The following CXADR variants were observed in gnomAD, a reference collection of about 807,000 sequenced individuals.
CXADR encodes CXADR cell adhesion molecule, also known as coxsackievirus and adenovirus receptor.
CXADR carries 20 observed loss-of-function variants against 40.3 expected under a neutral mutation model. The ratio of observed to expected loss-of-function variants is 0.50; its 90% CI spans 0.35 to 0.72. The LOEUF (loss-of-function observed/expected upper bound fraction) is 0.72. CXADR is among the 30% of genes least tolerant of loss of function. The pLI is 0.01. For missense variants in CXADR, 332 were observed against 449.1 expected (o/e 0.74, Z 2.36); for synonymous variants, 150 against 161.3 (o/e 0.93, Z 0.53).
chr21:17,533,399 C>T (rs935794070), intron 1 of CXADR, among the ~76,000 whole-genome samples: 1 of 152,148 alleles, frequency 6.6e-6, no homozygotes, highest in Admixed American at 6.5e-5. Flanking sequence ...TCTAATAATG[C>T]ACCCATTGTA....
chr21:17,564,516 TAAAAC>T (rs1420299643), intron 6 of CXADR, among the ~76,000 whole-genome samples: 3 of 151,992 alleles, frequency 2.0e-5, no homozygotes, highest in African/African-American at 7.2e-5. Context: ...TTAAAAATAT[TAAAAC>T]AAAATTTTCT....
rs975165528 is a variant in CXADR at position 17,568,464 on chromosome 21, A to G, written c.*2772A>G. The G allele has an allele frequency of 2.6e-5, 26 of 981,658 alleles. No homozygotes were observed. Among genetic ancestry groups the G allele is most frequent in the South Asian group, 4.7e-5 (1 of 21,120 alleles). The allele number at this position is 981,658 out of a possible 1,614,324, so 60.8% of individuals were successfully genotyped here. A position where few individuals can be genotyped will look rare whatever the true frequency, so the allele number is the denominator to read the frequency against. On this transcript the variant is annotated 3_prime_UTR_variant, in exon 7 of 7. Transcript: ENST00000284878. ...CTTAACAGCAAAGCCATTTTATTCTACTTTATAACTGAGAGACTTGATACC... is the reference window on the plus strand; with the variant it reads ...CTTAACAGCAAAGCCATTTTATTCTGCTTTATAACTGAGAGACTTGATACC...
chr21:17,606,269 A>T, the CXADR span, among the ~76,000 whole-genome samples: 6 of 152,186 alleles, frequency 3.9e-5, no homozygotes, highest in African/African-American at 1.4e-4. Flanking sequence ...AACATTACAC[A>T]GCTACTAAGT....
At chr21:17,593,214 T>C in exon 8 of CXADR, 3 of 1,424,200 alleles carry the variant, frequency 2.1e-6, no homozygotes, top group Admixed American at 2.7e-5. Flanking sequence ...CTGAAGAATC[T>C]GAAGTATTGT....
Position 17,566,038 on chromosome 21 carries a change from A to T in CXADR, c.*346A>T. ...GAACTTACTTGCATACCAAGTTGAT[A>T]CTTGAATAACCATCTGAAAGTGGTA... On this transcript the variant is annotated 3_prime_UTR_variant, in exon 7 of 7. Transcript: ENST00000284878. 1.0e-6 allele frequency: 1 copy of T among 1,000,424 alleles called. No homozygotes were observed. Among genetic ancestry groups the T allele is most frequent in the Non-Finnish European group, 1.2e-6 (1 of 840,080 alleles). 62.0% of individuals were successfully genotyped at this position (1,000,424 alleles called of 1,614,324 possible).
At chr21:17,599,334 C>A in the CXADR span, among the ~76,000 whole-genome samples, 2 of 152,074 alleles carry the variant, frequency 1.3e-5, no homozygotes, top group African/African-American at 4.8e-5. Flanking sequence ...GAGTGTACCA[C>A]CATGCTCAGC....
At chr21:17,530,114 A>ATTTTT (rs56341807) in intron 1 of CXADR, among the ~76,000 whole-genome samples, 29,290 of 94,004 alleles carry the variant, frequency 0.31, 5,302 homozygotes, top group East Asian at 0.41. Flanking sequence ...ATGCCAGGCT[A>ATTTTT]TTTTTTTTTT....
At chr21:17,522,824 T>A (rs899495457) in intron 1 of CXADR, among the ~76,000 whole-genome samples, 1 of 152,190 alleles carries the variant, frequency 6.6e-6, no homozygotes, top group Non-Finnish European at 1.5e-5. Flanking sequence ...GTCTCCCTTC[T>A]CCAACTTTAC....
the CXADR span, among the ~76,000 whole-genome samples, chr21:17,610,560 T>C: frequency 3.9e-5 from 6 of 152,192 alleles, no homozygotes; most frequent in African/African-American, 7.2e-5. Flanking sequence ...TTAAAAATGG[T>C]ATATCTGATT....
At chr21:17,578,361 A>G (rs1404395145) in intron 7 of CXADR, among the ~76,000 whole-genome samples, 1 of 152,234 alleles carries the variant, frequency 6.6e-6, no homozygotes, top group Admixed American at 6.5e-5. Flanking sequence ...GGCCTTTCTA[A>G]GTGAAAGGTG....
chr21:17,517,077 T>C (rs2060471271), intron 1 of CXADR, among the ~76,000 whole-genome samples: 1 of 152,184 alleles, frequency 6.6e-6, no homozygotes, highest in Non-Finnish European at 1.5e-5. Context: ...ATCTCAGATA[T>C]CAAATAAAGG....
the CXADR span, among the ~76,000 whole-genome samples, chr21:17,607,357 A>G: frequency 6.6e-6 from 1 of 152,188 alleles, no homozygotes. Flanking sequence ...AACTTAACGA[A>G]AGCTGTTCAC....
intron 1 of CXADR, among the ~76,000 whole-genome samples, chr21:17,515,276 C>T (rs2053211823): frequency 6.6e-6 from 1 of 151,846 alleles, no homozygotes; most frequent in African/African-American, 2.4e-5. Context: ...ACAAAAAATA[C>T]AACAAAATAA....
At chr21:17,619,328 T>C in the CXADR span, among the ~76,000 whole-genome samples, 3 of 152,126 alleles carry the variant, frequency 2.0e-5, no homozygotes, top group Non-Finnish European at 4.4e-5. Flanking sequence ...AAGACCCACA[T>C]GGCGTTCAAG....
At chr21:17,604,481 CAG>C in the CXADR span, among the ~76,000 whole-genome samples, 2 of 152,126 alleles carry the variant, frequency 1.3e-5, no homozygotes, top group Non-Finnish European at 2.9e-5. Context: ...TAAACAGAAA[CAG>C]AAACAAACCA....
At chr21:17,546,058 C>T (rs1375330302) in intron 1 of CXADR, among the ~76,000 whole-genome samples, 1 of 152,082 alleles carries the variant, frequency 6.6e-6, no homozygotes, top group Admixed American at 6.5e-5. Context: ...GGATTACAGG[C>T]GTGAGCCACC....
At chr21:17,525,398 G>A (rs928459242) in intron 1 of CXADR, among the ~76,000 whole-genome samples, 3 of 152,164 alleles carry the variant, frequency 2.0e-5, no homozygotes, top group African/African-American at 7.2e-5. Context: ...TCAGAGGAAG[G>A]GTGGATTGAC....
rs551244375 is a variant in CXADR, at chr21:17,519,806, A to G, written c.43+6634A>G. Among the ~76,000 whole-genome samples the G allele has an allele frequency of 6.2e-4, 95 of 152,184 alleles. 3 individuals carry two copies. In the South Asian group the frequency reaches 0.02, roughly 31 times the overall value. On this transcript the variant is annotated intron_variant, in intron 1 of 6. Transcript: ENST00000284878. ...AAACCCTGTCTGTACTAAAAATACA[A>G]AAATTAGCCAGGTGTGGTGATGTGC...
chr21:17,558,892 G>T, intron 3 of CXADR, 84 bp from the exon 4 acceptor site: 1 of 1,348,000 alleles, frequency 7.4e-7, no homozygotes, highest in South Asian at 1.6e-5. Context: ...AACTGATAAT[G>T]AGTCAGTGGT....
Sources: gnomAD v4.1 joint callset for allele counts (sites outside exome capture counted in the v4.1 genomes callset) on GRCh38, gnomAD v4.1.1 for gene constraint, MANE v1.5 for transcripts, NCBI Gene and HGNC (gene_info 2026-07-23, HGNC 2026-07-21) for gene names.